Variants in CSMD1 observed in about 807,000 individuals in gnomAD.
CSMD1 encodes CUB and Sushi multiple domains 1, also known as CUB and sushi domain-containing protein 1.
Under a neutral mutation model 417.5 loss-of-function variants are expected in CSMD1, and 213 were observed. The observed-to-expected ratio is 0.51, with a 90% CI of 0.46 to 0.57. The LOEUF is 0.57. Ranked by LOEUF, CSMD1 falls within the 20% of genes least tolerant of loss-of-function variation. The probability of loss-of-function intolerance (pLI) is 0.00; values close to 1 mark genes in which losing one functional copy is unlikely to be tolerated. For synonymous variants in CSMD1, 2,862 were observed against 1,736.8 expected, an observed-to-expected ratio of 1.65 and a Z score of -16.11; for missense variants, 6,923 against 4,529.7, an observed-to-expected ratio of 1.53 and a Z score of -15.17.
chr8:4,187,539 G>C (rs1030359552), intron 3 of CSMD1, among the ~76,000 whole-genome samples: 1 of 152,078 alleles, frequency 6.6e-6, no homozygotes. Context: ...AGCTACTTGG[G>C]AGACTCAGGT....
chr8:3,207,781 G>A (rs1484107260), intron 30 of CSMD1, among the ~76,000 whole-genome samples: 2 of 152,146 alleles, frequency 1.3e-5, no homozygotes, highest in African/African-American at 4.8e-5. Context: ...CAGCCTTCAT[G>A]CTAGTGTCTT....
At chr8:4,428,862 G>A (rs1376485225) in intron 2 of CSMD1, among the ~76,000 whole-genome samples, 2 of 151,896 alleles carry the variant, frequency 1.3e-5, no homozygotes, top group African/African-American at 2.4e-5. Context: ...GGGATTACAG[G>A]CACCACCACG....
At chr8:3,433,591 A>C (rs1238050514) in intron 12 of CSMD1, among the ~76,000 whole-genome samples, 5 of 152,036 alleles carry the variant, frequency 3.3e-5, no homozygotes, top group Admixed American at 3.3e-4. Context: ...CACGTGCCAC[A>C]CTCTAGTGCT....
intron 1 of CSMD1, among the ~76,000 whole-genome samples, chr8:4,667,790 G>C (rs868395417): frequency 2.0e-4 from 30 of 152,138 alleles, no homozygotes; most frequent in Non-Finnish European, 2.9e-4. Flanking sequence ...CATAGACTAC[G>C]TCCTTTGTGA....
intron 7 of CSMD1, among the ~76,000 whole-genome samples, chr8:3,669,544 C>T (rs950439988): frequency 6.6e-6 from 1 of 152,168 alleles, no homozygotes; most frequent in African/African-American, 2.4e-5. Context: ...GGAGAAACCT[C>T]AGGTTTTCAG....
At chr8:4,741,805 G>A (rs1486689659) in intron 1 of CSMD1, among the ~76,000 whole-genome samples, 2 of 151,852 alleles carry the variant, frequency 1.3e-5, no homozygotes, top group Non-Finnish European at 2.9e-5. Context: ...ACAGTGCCCT[G>A]GTGATTCATG....
intron 51 of CSMD1, 142 bp from the exon 52 acceptor site, chr8:3,018,792 T>A: frequency 1.4e-6 from 1 of 732,362 alleles, no homozygotes. Context: ...GTTGAGAGTG[T>A]CTGCTTAGGG....
intron 52 of CSMD1, among the ~76,000 whole-genome samples, chr8:3,014,265 G>A (rs924801388): frequency 2.6e-5 from 4 of 151,414 alleles, no homozygotes; most frequent in Non-Finnish European, 2.9e-5. Flanking sequence ...AAAAAAAAAT[G>A]GATGCAAACT....
intron 1 of CSMD1, chr8:4,787,899 T>A: frequency 6.3e-7 from 1 of 1,585,718 alleles, no homozygotes; most frequent in Non-Finnish European, 8.6e-7. Flanking sequence ...AATTTGGTGT[T>A]GATGTAACCA....
intron 2 of CSMD1, among the ~76,000 whole-genome samples, chr8:4,635,121 C>G (rs537819196): frequency 6.6e-6 from 1 of 152,212 alleles, no homozygotes; most frequent in East Asian, 1.9e-4. Context: ...TTGTCGGTAA[C>G]TGAGTGATTC....
chr8:4,416,830 C>A (rs1220770892), intron 3 of CSMD1, among the ~76,000 whole-genome samples: 2 of 151,906 alleles, frequency 1.3e-5, no homozygotes, highest in African/African-American at 2.4e-5. Context: ...TTTTTTAATA[C>A]TTGAGATTTT....
chr8:4,309,227 G>A (rs902031425), intron 3 of CSMD1, among the ~76,000 whole-genome samples: 9 of 152,130 alleles, frequency 5.9e-5, no homozygotes, highest in Admixed American at 3.3e-4. Flanking sequence ...TTACCGTTAA[G>A]TGCAAGACCC....
chr8:3,968,221 A>G (rs1190424881), intron 5 of CSMD1, among the ~76,000 whole-genome samples: 2 of 151,932 alleles, frequency 1.3e-5, no homozygotes, highest in Admixed American at 6.6e-5. Context: ...ATAATAAAAA[A>G]CAATGTGCCA....
At chr8:3,434,834 G>A (rs1240174347) in intron 12 of CSMD1, among the ~76,000 whole-genome samples, 1 of 152,162 alleles carries the variant, frequency 6.6e-6, no homozygotes, top group African/African-American at 2.4e-5. Flanking sequence ...CAGAGTGCTG[G>A]CAGGAAGTGG....
chr8:3,222,596 AC>A (rs1249154956), intron 28 of CSMD1, among the ~76,000 whole-genome samples: 4 of 152,144 alleles, frequency 2.6e-5, no homozygotes, highest in Non-Finnish European at 4.4e-5. Context: ...GTCATGAACC[AC>A]CATGCCTGGC....
intron 1 of CSMD1, among the ~76,000 whole-genome samples, chr8:4,659,833 A>C (rs1261140013): frequency 6.6e-6 from 1 of 152,126 alleles, no homozygotes. Flanking sequence ...CTATGTAACC[A>C]TCCATATTAA....
At chr8:4,250,919 C>G (rs980724726) in intron 3 of CSMD1, among the ~76,000 whole-genome samples, 1 of 152,148 alleles carries the variant, frequency 6.6e-6, no homozygotes, top group African/African-American at 2.4e-5. Flanking sequence ...AGGTCTTAGT[C>G]ACGGCTGAGC....
At chr8:3,007,880 C>G (rs1025437655) in intron 52 of CSMD1, among the ~76,000 whole-genome samples, 2 of 151,632 alleles carry the variant, frequency 1.3e-5, no homozygotes, top group Admixed American at 6.6e-5. Flanking sequence ...ATGTAACCAA[C>G]CTGCACAATG....
intron 1 of CSMD1, among the ~76,000 whole-genome samples, chr8:4,679,698 C>G (rs1052584801): frequency 2.8e-5 from 4 of 143,860 alleles, no homozygotes; most frequent in African/African-American, 1.2e-4. Context: ...AACCCAGACA[C>G]TCAGTGGATT....
Sources: gnomAD v4.1 joint callset for allele counts (sites outside exome capture counted in the v4.1 genomes callset) on GRCh38, gnomAD v4.1.1 for gene constraint, MANE v1.5 for transcripts, NCBI Gene and HGNC (gene_info 2026-07-23, HGNC 2026-07-21) for gene names.